TMPRSS15: variants seen among roughly 807,000 people sequenced by gnomAD.
The protein encoded by TMPRSS15 is enteropeptidase.
In TMPRSS15, 128 loss-of-function variants were observed where a neutral mutation model predicts 125.3. The ratio of observed to expected loss-of-function variants is 1.02; its 90% CI spans 0.89 to 1.18. TMPRSS15 has a LOEUF of 1.18. TMPRSS15 is among the 50% of genes most tolerant of loss of function. TMPRSS15 has a pLI of 0.00. For missense variants in TMPRSS15, 1,283 were observed against 1,212.7 expected (o/e 1.06, Z -0.86); for synonymous variants, 446 against 423.2 (o/e 1.05, Z -0.66).
At chr21:18,448,477 G>C (rs1386244654) in intron 1 of TMPRSS15, among the ~76,000 whole-genome samples, 1 of 151,984 alleles carries the variant, frequency 6.6e-6, no homozygotes, top group East Asian at 1.9e-4. Context: ...ATTCCTCATG[G>C]GGCTGTTATA....
At chr21:18,409,858 TTCCCTCCCTCCCTCCCTTCCC>T (rs2076161019) in intron 1 of TMPRSS15, among the ~76,000 whole-genome samples, 1 of 77,666 alleles carries the variant, frequency 1.3e-5, no homozygotes, top group African/African-American at 5.3e-5. Context: ...CCTTCCTTCC[TTCCCTCCCTCCCTCCCTTCCC>T]TCCCTCCCTC....
At chr21:18,462,650 AAGC>A (rs1173164988) in intron 1 of TMPRSS15, among the ~76,000 whole-genome samples, 1 of 152,186 alleles carries the variant, frequency 6.6e-6, no homozygotes, top group Non-Finnish European at 1.5e-5. Flanking sequence ...GAAAAATAAA[AAGC>A]AGAAGTGCAA....
intron 1 of TMPRSS15, among the ~76,000 whole-genome samples, chr21:18,449,642 G>A (rs968374475): frequency 6.6e-6 from 1 of 151,960 alleles, no homozygotes; most frequent in African/African-American, 2.4e-5. Flanking sequence ...GTGTTTAGAC[G>A]AGACCCCAGT....
chr21:18,383,775 A>G lies in TMPRSS15; in HGVS notation c.348T>C (p.Asn116=), dbSNP rs1451163253. The G allele has an allele frequency of 6.2e-7, 1 of 1,613,104 alleles. No homozygotes were observed. The highest frequency in any genetic ancestry group is 1.7e-5 in the Admixed American group (1 of 59,896). ...YKNSRVLQFE[N]GSIIVVFDLF... ...GGTCAAATACGACTATAATGCTGCC[A>G]TTTCTGCAAAGCAAAAGAGGATATA... Residue 116 remains asparagine, a synonymous_variant, in exon 4 of 25, where the codon AAT becomes AAC. Coordinates refer to ENST00000284885, the MANE Select transcript of TMPRSS15 (RefSeq NM_002772.3).
intron 21 of TMPRSS15, among the ~76,000 whole-genome samples, chr21:18,287,311 C>A (rs1433330306): frequency 2.0e-5 from 3 of 152,126 alleles, no homozygotes; most frequent in Non-Finnish European, 2.9e-5. Flanking sequence ...AGTGGTTCCT[C>A]ATAACAGCCA....
intron 1 of TMPRSS15, among the ~76,000 whole-genome samples, chr21:18,434,146 A>T (rs1395796024): frequency 6.6e-6 from 1 of 152,214 alleles, no homozygotes; most frequent in East Asian, 1.9e-4. Context: ...TTCTAAAAAG[A>T]TAGCATATAC....
chr21:18,301,503 T>C (rs982685312), intron 18 of TMPRSS15, among the ~76,000 whole-genome samples: 1 of 152,164 alleles, frequency 6.6e-6, no homozygotes, highest in Non-Finnish European at 1.5e-5. Flanking sequence ...TCAGAGGAAA[T>C]GTATTATATT....
In TMPRSS15 at chr21:18,318,244, T is replaced by C. The variant is rs953210218; in HGVS notation, c.1922-2988A>G. Among the ~76,000 whole-genome samples, 16 of 152,256 alleles carry C rather than the reference T, an allele frequency of 1.1e-4. 2 individuals carry two copies. The highest frequency in any genetic ancestry group is 8.5e-4 in the Admixed American group (13 of 15,294). On this transcript the variant is annotated intron_variant, in intron 16 of 24. Coordinates refer to ENST00000284885, the MANE Select transcript of TMPRSS15 (RefSeq NM_002772.3). ...AACCTGGGGATTAGGGATTCGGAGC[T>C]GAACCAGTTTATAAGAGATTATTGT...
intron 1 of TMPRSS15, among the ~76,000 whole-genome samples, chr21:18,460,146 C>T (rs1978524917): frequency 1.3e-5 from 2 of 152,064 alleles, no homozygotes; most frequent in Non-Finnish European, 2.9e-5. Context: ...GGCTTATATA[C>T]ATTTTTCTGC....
upstream of TMPRSS15, among the ~76,000 whole-genome samples, chr21:18,404,763 A>G (rs1174125698): frequency 6.6e-6 from 1 of 152,132 alleles, no homozygotes. Flanking sequence ...TAAGATGAAC[A>G]GTAGCTGCTT....
At chr21:18,442,722 A>C (rs1601464432) in intron 1 of TMPRSS15, among the ~76,000 whole-genome samples, 3 of 152,208 alleles carry the variant, frequency 2.0e-5, no homozygotes. Flanking sequence ...TGTTATACAG[A>C]TATTCCATGG....
At chr21:18,442,283 T>C (rs1248116182) in intron 1 of TMPRSS15, among the ~76,000 whole-genome samples, 1 of 152,210 alleles carries the variant, frequency 6.6e-6, no homozygotes, top group Admixed American at 6.5e-5. Context: ...CCTACTTTGC[T>C]CATTATTAGC....
At position 18,440,386 on chromosome 21, in the gene TMPRSS15, A is replaced by AAAAAAAG. The variant is rs557806642; in HGVS notation, c.11-42058_11-42057insCTTTTTT. On this transcript the variant is annotated intron_variant, in intron 1 of 7. Transcript: ENST00000422787. Reference sequence around the variant, plus strand: ...AAACTCCGTCTCAAAAAAAAAAAAAAAAAGAAAACTGTAGTGATGTGTATT... The same window carrying AAAAAAAG: ...AAACTCCGTCTCAAAAAAAAAAAAAAAAAAAAGAAAGAAAACTGTAGTGATGTGTATT... Among the ~76,000 whole-genome samples the AAAAAAAG allele has an allele frequency of 8.2e-5, 11 of 133,602 alleles. 1 individual carries two copies. Among genetic ancestry groups the AAAAAAAG allele is most frequent in the East Asian group, 2.4e-4 (1 of 4,248 alleles). 87.6% of individuals were successfully genotyped at this position (133,602 alleles called of 152,430 possible).
intron 1 of TMPRSS15, among the ~76,000 whole-genome samples, chr21:18,470,723 C>A (rs727150): frequency 0.56 from 84,744 of 151,550 alleles, 24,308 homozygotes; most frequent in East Asian, 0.94. Context: ...GCCATTAGAA[C>A]GAGAGGAAAG....
intron 18 of TMPRSS15, among the ~76,000 whole-genome samples, chr21:18,304,956 G>A (rs1278017848): frequency 6.6e-6 from 1 of 152,012 alleles, no homozygotes; most frequent in African/African-American, 2.4e-5. Flanking sequence ...AGCCGAAGTA[G>A]GAGCGACAGA....
intron 1 of TMPRSS15, among the ~76,000 whole-genome samples, chr21:18,447,703 C>T (rs564539789): frequency 5.2e-4 from 79 of 152,180 alleles, no homozygotes; most frequent in African/African-American, 1.9e-3. Flanking sequence ...CTTCATTCTG[C>T]ACTTGTCTCT....
At chr21:18,419,337 T>C (rs2076187247) in intron 1 of TMPRSS15, among the ~76,000 whole-genome samples, 1 of 149,112 alleles carries the variant, frequency 6.7e-6, no homozygotes, top group South Asian at 2.2e-4. Flanking sequence ...GCCATTCTCC[T>C]GCCTCAGCCT....
intron 13 of TMPRSS15, among the ~76,000 whole-genome samples, chr21:18,339,784 CTTTG>C (rs1048475450): frequency 6.6e-6 from 1 of 151,992 alleles, no homozygotes; most frequent in Non-Finnish European, 1.5e-5. Flanking sequence ...TTTTCTTTTT[CTTTG>C]TTTATCTGTC....
chr21:18,288,126 T>A (rs1001266084), intron 21 of TMPRSS15, among the ~76,000 whole-genome samples: 3 of 152,176 alleles, frequency 2.0e-5, no homozygotes, highest in African/African-American at 7.2e-5. Context: ...ATGTGGTATA[T>A]ATATGCAATG....
Sources: allele counts gnomAD v4.1 joint callset (sites outside exome capture counted in the v4.1 genomes callset), GRCh38; gene constraint gnomAD v4.1.1; transcripts MANE v1.5; gene names NCBI Gene and HGNC (gene_info 2026-07-23, HGNC 2026-07-21).